The following SEC23IP variants were observed in gnomAD, a reference collection of about 807,000 sequenced individuals.
SEC23IP encodes the protein SEC23 interacting protein.
SEC23IP carries 70 observed loss-of-function variants against 113.4 expected under a neutral mutation model. That is an observed-to-expected ratio of 0.62 (90% confidence interval 0.51 to 0.75). SEC23IP has a LOEUF of 0.75. Among genes scored for constraint, SEC23IP ranks in the 30% least tolerant of loss-of-function variants. SEC23IP has a pLI of 0.00. For missense variants in SEC23IP, 1,160 were observed against 1,204.9 expected (o/e 0.96, Z 0.55); for synonymous variants, 398 against 421.0 (o/e 0.95, Z 0.67).
At chr10:119,900,573 A>G (rs1389245787) in intron 2 of SEC23IP, among the ~76,000 whole-genome samples, 7 of 152,008 alleles carry the variant, frequency 4.6e-5, no homozygotes, top group Non-Finnish European at 1.5e-5. Context: ...TTGACCTCCC[A>G]AAGTTCTGGG....
chr10:119,939,127 G>T (rs1382836089), intron 18 of SEC23IP, among the ~76,000 whole-genome samples: 2 of 151,448 alleles, frequency 1.3e-5, no homozygotes, highest in Non-Finnish European at 2.9e-5. Context: ...TAGCAACATA[G>T]ACAAGACATT....
chr10:119,915,828 G>GTGGA lies in SEC23IP; in HGVS notation c.1484_1487dup (p.Glu496AspfsTer10). 6.2e-7 allele frequency: 1 copy of GTGGA among 1,604,126 alleles called. No individual in the cohort carries two copies. Among genetic ancestry groups the GTGGA allele is most frequent in the Non-Finnish European group, 8.5e-7 (1 of 1,174,514 alleles). Reference sequence around the variant, plus strand: ...TTTAGATGACGGGAAAGTAAGCAGAGTGGAGTTCCTTCCAGTTCATTGGCA... The same window carrying GTGGA: ...TTTAGATGACGGGAAAGTAAGCAGAGTGGATGGAGTTCCTTCCAGTTCATTGGCA... On this transcript the variant is annotated frameshift_variant, in exon 8 of 19. Coordinates refer to ENST00000369075, the MANE Select transcript of SEC23IP (RefSeq NM_007190.4). LOFTEE classifies it high-confidence loss of function.
In SEC23IP at chr10:119,912,022, A is replaced by G. The variant is rs147318618; in HGVS notation, c.1192-22A>G. The G allele has an allele frequency of 1.1e-4, 176 of 1,613,328 alleles. 1 individual carries two copies. The African/African-American group carries it at 1.2e-3, about 11-fold the overall frequency. ...AAAGAATTTGTTAATGAGCTTTGTC[A>G]TAATTCTGTTGCATCTTGAAGGTTA... On this transcript the variant is annotated intron_variant, in intron 5 of 18. Transcript: ENST00000369075.
At chr10:119,915,983 AAT>A (rs1410746351) in intron 8 of SEC23IP, 94 bp downstream of exon 8, 4 of 1,102,902 alleles carry the variant, frequency 3.6e-6, no homozygotes, top group Non-Finnish European at 4.8e-6. Context: ...AGCTTCAATC[AAT>A]ATGTTTTTAA....
intron 6 of SEC23IP, among the ~76,000 whole-genome samples, chr10:119,913,038 A>G (rs1030155986): frequency 6.6e-6 from 1 of 152,178 alleles, no homozygotes; most frequent in African/African-American, 2.4e-5. Flanking sequence ...ACATACCTGT[A>G]TGTTTGTACC....
At chr10:119,898,297 T>A (rs1854350854) in intron 1 of SEC23IP, 130 bp from the exon 2 acceptor site, 1 of 1,342,470 alleles carries the variant, frequency 7.4e-7, no homozygotes, top group Admixed American at 3.1e-5. Flanking sequence ...AACTGTTTTT[T>A]TCTGTAATGC....
Position 119,944,303 on chromosome 10 carries a change from T to A in SEC23IP, c.*3738T>A, listed in dbSNP as rs900876160. On this transcript the variant is annotated 3_prime_UTR_variant, in exon 19 of 19. Transcript: ENST00000369075. ...GCTTCCCCTTTGCCTTTCGTCACAA[T>A]TGTAAGTTCCCCGAGGTTCGTCATG... 2.0e-5 allele frequency: 3 copies of A among 152,274 alleles called. No homozygotes were observed. Among genetic ancestry groups the A allele is most frequent in the African/African-American group, 7.2e-5 (3 of 41,464 alleles). 9.4% of individuals were successfully genotyped at this position (152,274 alleles called of 1,614,324 possible). A position where few individuals can be genotyped will look rare whatever the true frequency, so the allele number is the denominator to read the frequency against.
At chr10:119,915,975 C>A in intron 8 of SEC23IP, 86 bp downstream of exon 8, 1 of 1,146,570 alleles carries the variant, frequency 8.7e-7, no homozygotes, top group Non-Finnish European at 1.2e-6. Flanking sequence ...TTTATTGTAG[C>A]TTCAATCAAT....
At chr10:119,933,904 G>A (rs1269265063) in intron 18 of SEC23IP, 117 bp downstream of exon 18, 7 of 493,052 alleles carry the variant, frequency 1.4e-5, no homozygotes, top group Non-Finnish European at 2.1e-5. Flanking sequence ...TTTTGTCGTC[G>A]TTTTTAAAAA....
chr10:119,917,732 G>A, intron 8 of SEC23IP, 104 bp from the exon 9 acceptor site: 1 of 771,088 alleles, frequency 1.3e-6, no homozygotes, highest in Non-Finnish European at 2.1e-6. Flanking sequence ...AGTCTGTGGG[G>A]TTTTCTTAGT....
rs564486915 is a variant in SEC23IP, at chr10:119,926,189, T to C, written c.2275T>C (p.Cys759Arg). 1.8e-5 allele frequency: 29 copies of C among 1,614,122 alleles called. No homozygotes were observed. The highest frequency in any genetic ancestry group is 1.7e-4 in the African/African-American group (13 of 75,038). Residue 759 changes from cysteine (C) to arginine (R), a missense_variant, in exon 13 of 19, where the codon TGT (cysteine) becomes CGT (arginine). By Grantham distance (180) the Cys-to-Arg change is radical (BLOSUM62 -3). Coordinates refer to ENST00000369075, the MANE Select transcript of SEC23IP (RefSeq NM_007190.4). ...LPVGACVSSV[C>R]VNYESFEVGA... ...AGTTGGTGCTTGCGTGTCTTCTGTG[T>C]GTGTGAATTATGAATCTTTTGAAGT...
chr10:119,899,431 G>C (rs141303659), intron 2 of SEC23IP, among the ~76,000 whole-genome samples: 4 of 152,112 alleles, frequency 2.6e-5, no homozygotes, highest in African/African-American at 9.7e-5. Context: ...GTGGAATAAC[G>C]TATGCATTGG....
intron 1 of SEC23IP, among the ~76,000 whole-genome samples, chr10:119,893,842 C>A (rs1854185121): frequency 6.6e-6 from 1 of 152,196 alleles, no homozygotes; most frequent in South Asian, 2.1e-4. Flanking sequence ...CAATACATCA[C>A]TTCTTCCAAG....
rs190850399 is a variant in SEC23IP, at chr10:119,897,933, A to G, written c.164-494A>G. Among the ~76,000 whole-genome samples, 895 of 151,796 alleles carry G rather than the reference A, an allele frequency of 5.9e-3. 4 individuals carry two copies. The highest frequency in any genetic ancestry group is 8.8e-3 in the Non-Finnish European group (596 of 67,896). On this transcript the variant is annotated intron_variant, in intron 1 of 18. Transcript: ENST00000369075. ...GGCAGGAGAATGGCGTGAACCTGGG[A>G]GGCGGAGCTTGCAGTGAGCTGAGAT...
intron 8 of SEC23IP, among the ~76,000 whole-genome samples, 197 bp downstream of exon 8, chr10:119,916,086 AT>A (rs1309477962): frequency 6.6e-6 from 1 of 152,202 alleles, no homozygotes; most frequent in Non-Finnish European, 1.5e-5. Flanking sequence ...TTTTGTAAAT[AT>A]TTAAGAGAAT....
intron 17 of SEC23IP, among the ~76,000 whole-genome samples, chr10:119,933,473 A>G (rs1855674003): frequency 6.6e-6 from 1 of 152,206 alleles, no homozygotes; most frequent in Non-Finnish European, 1.5e-5. Flanking sequence ...GAGAATTGCA[A>G]CACAGCTATT....
rs189492069 is a variant in SEC23IP at position 119,916,168 on chromosome 10, A to T, written c.1544+279A>T. 2.4e-3 allele frequency among the ~76,000 whole-genome samples: 361 copies of T among 152,294 alleles called. 1 individual carries two copies. Among genetic ancestry groups the T allele is most frequent in the African/African-American group, 7.9e-3 (328 of 41,566 alleles). On this transcript the variant is annotated intron_variant, in intron 8 of 18. Transcript: ENST00000369075. ...CAGTTTAGACAGGGGGCTGTCCTTT[A>T]TGTAGTAGGATGCCTAATGGGCTTT...
intron 13 of SEC23IP, 62 bp downstream of exon 13, chr10:119,926,289 G>A (rs1855419318): frequency 6.9e-7 from 1 of 1,445,878 alleles, no homozygotes; most frequent in Admixed American, 2.1e-5. Context: ...TTTATCATTT[G>A]GGTTGGCTTT....
At position 119,928,814 on chromosome 10, in the gene SEC23IP, C is replaced by A. The variant is rs556300930; in HGVS notation, c.2314-793C>A. Among the ~76,000 whole-genome samples the A allele has an allele frequency of 3.3e-5, 5 of 152,340 alleles. No homozygotes were observed. The South Asian group carries it at 1.0e-3, about 32-fold the overall frequency. On this transcript the variant is annotated intron_variant, in intron 13 of 18. Coordinates refer to ENST00000369075, the MANE Select transcript of SEC23IP (RefSeq NM_007190.4). ...CTACTCAAAATGTGCTCTTTCAGGA[C>A]AAATCATTTTTCTGATGGAAAGAAA...
Sources: allele counts gnomAD v4.1 joint callset (sites outside exome capture counted in the v4.1 genomes callset), GRCh38; gene constraint gnomAD v4.1.1; transcripts MANE v1.5; gene names NCBI Gene and HGNC (gene_info 2026-07-23, HGNC 2026-07-21).